Variants in TACC2 observed in about 807,000 individuals in gnomAD.
TACC2 encodes transforming acidic coiled-coil-containing protein 2.
In TACC2, 137 loss-of-function variants were observed where a neutral mutation model predicts 227.3. The observed-to-expected ratio is 0.60, with a 90% CI of 0.52 to 0.69. The LOEUF (loss-of-function observed/expected upper bound fraction) is 0.69, where lower values mean the gene tolerates loss of function less well. TACC2 is among the 30% of genes least tolerant of loss of function. The pLI is 0.00. For missense variants in TACC2, 3,470 were observed against 3,694.4 expected, an observed-to-expected ratio of 0.94 and a Z score of 1.57; for synonymous variants, 1,523 against 1,487.5, an observed-to-expected ratio of 1.02 and a Z score of -0.55.
At chr10:122,201,787 T>C (rs1290748075) in intron 8 of TACC2, among the ~76,000 whole-genome samples, 3 of 152,046 alleles carry the variant, frequency 2.0e-5, no homozygotes, top group Non-Finnish European at 2.9e-5. Flanking sequence ...CTGTTACAGA[T>C]GACATTTGAT....
At chr10:122,120,819 G>A (rs1374164186) in intron 5 of TACC2, among the ~76,000 whole-genome samples, 2 of 151,804 alleles carry the variant, frequency 1.3e-5, no homozygotes, top group African/African-American at 4.8e-5. Flanking sequence ...GGAGTGCAGT[G>A]GCGCGATCTC....
In TACC2 at chr10:122,084,317, G is replaced by A. The variant is rs758575064; in HGVS notation, c.1817G>A (p.Arg606His). 18 of 1,613,830 alleles carry A rather than the reference G, an allele frequency of 1.1e-5. No homozygotes were observed. Among genetic ancestry groups the A allele is most frequent in the African/African-American group, 2.7e-5 (2 of 74,948 alleles). ...GEDSQAFSSK[R>H]DPEVGKDELS... ...GACTCTCAGGCTTTCAGCAGCAAGC[G>A]TGATCCAGAAGTAGGCAAAGATGAG... The change falls in exon 4 of 23, where the codon CGT becomes CAT. Residue 606 changes from arginine to histidine, a missense_variant. Transcript: ENST00000369005.
intron 1 of TACC2, among the ~76,000 whole-genome samples, chr10:121,999,084 C>T (rs1010299760): frequency 1.3e-5 from 2 of 151,570 alleles, no homozygotes; most frequent in Non-Finnish European, 2.9e-5. Context: ...TCTCGGCTCA[C>T]TGCAAGCTCC....
chr10:122,066,471 G>A lies in TACC2; in HGVS notation c.146+15921G>A, dbSNP rs115793222. Among the ~76,000 whole-genome samples, 913 of 152,274 alleles carry A rather than the reference G, an allele frequency of 6.0e-3. 13 individuals carry two copies. Among genetic ancestry groups the A allele is most frequent in the African/African-American group, 0.021 (875 of 41,544 alleles). On this transcript the variant is annotated intron_variant, in intron 3 of 22. Transcript: ENST00000369005. ...TTTAGTAGAAAACGGGTTTTACCAT[G>A]TTGGTCAGGGTGGTCTCGAACCCCT...
chr10:122,101,369 T>TC, intron 5 of TACC2, among the ~76,000 whole-genome samples: 1 of 152,184 alleles, frequency 6.6e-6, no homozygotes, highest in South Asian at 2.1e-4. Flanking sequence ...CTGTGCCTGG[T>TC]CCCCAGTCCT....
Position 122,087,865 on chromosome 10 carries a change from G to T in TACC2, c.5365G>T (p.Asp1789Tyr), listed in dbSNP as rs1404307778. 2.0e-6 allele frequency: 3 copies of T among 1,522,202 alleles called. No homozygotes were observed. The highest frequency in any genetic ancestry group is 1.4e-5 in the African/African-American group (1 of 71,980). 94.3% of individuals were successfully genotyped at this position (1,522,202 alleles called of 1,614,324 possible). ...PGPERPIPAG[D>Y]GKVCVSSPPE... is the part of the protein sequence containing the mutation. ...GCCTGAGCGCCCCATTCCAGCTGGG[G>T]ATGGGAAGGTGTGCGTCTCCTCACC... The change falls in exon 4 of 23, where the codon GAT becomes TAT. Residue 1789 changes from aspartate to tyrosine, a missense_variant. Asp to Tyr is a radical substitution (Grantham distance 160, BLOSUM62 -3). This residue lies in a region of TACC2 where 1,924 missense variants were observed against 1,978.3 expected (regional missense o/e 0.97). Transcript: ENST00000369005.
Position 122,009,008 on chromosome 10 carries a change from T to C in TACC2, c.-45-12929T>C, listed in dbSNP as rs538024745. Among the ~76,000 whole-genome samples, 13 of 152,348 alleles carry C rather than the reference T, an allele frequency of 8.5e-5. No homozygotes were observed. In the South Asian group the frequency reaches 2.5e-3, roughly 29 times the overall value. On this transcript the variant is annotated intron_variant, in intron 1 of 22. Transcript: ENST00000369005. ...ATCTGACAATAATGCTAGACCAATG[T>C]AGGCCCTTTTCACTAGCTGCCCTCT...
At chr10:122,230,593 A>C (rs2095718618) in intron 16 of TACC2, among the ~76,000 whole-genome samples, 153 bp downstream of exon 16, 1 of 152,252 alleles carries the variant, frequency 6.6e-6, no homozygotes, top group Non-Finnish European at 1.5e-5. Context: ...CTCTTGCATA[A>C]ATACACACTG....
intron 1 of TACC2, among the ~76,000 whole-genome samples, chr10:122,005,349 G>A (rs528048756): frequency 1.3e-5 from 2 of 148,240 alleles, no homozygotes; most frequent in South Asian, 4.3e-4. Context: ...CTCCCAAAGT[G>A]CTGGGATTAC....
At chr10:122,031,505 T>C (rs559385567) in intron 2 of TACC2, among the ~76,000 whole-genome samples, 108 of 145,278 alleles carry the variant, frequency 7.4e-4, no homozygotes, top group Non-Finnish European at 1.0e-3. Flanking sequence ...TCTGGGTTCA[T>C]GCCATTCTCC....
At chr10:122,158,575 A>G (rs564199032) in intron 7 of TACC2, among the ~76,000 whole-genome samples, 1 of 152,290 alleles carries the variant, frequency 6.6e-6, no homozygotes, top group East Asian at 1.9e-4. Context: ...AGTCACCTGT[A>G]GAGCTGTCCT....
intron 1 of TACC2, among the ~76,000 whole-genome samples, chr10:122,001,843 A>G (rs569090578): frequency 4.4e-4 from 67 of 152,258 alleles, no homozygotes; most frequent in African/African-American, 1.6e-3. Context: ...TTCCACTATT[A>G]TATCTACCTT....
rs768804346 is a variant in TACC2, at chr10:122,211,566, T to C, written c.7141T>C (p.Phe2381Leu). The change falls in exon 9 of 23, where the codon TTT becomes CTT. Residue 2381 changes from phenylalanine (F) to leucine (L), a missense_variant. Phe to Leu is a conservative substitution (Grantham distance 22, BLOSUM62 0). Coordinates refer to ENST00000369005, the MANE Select transcript of TACC2 (RefSeq NM_206862.4). The stretch of plus-strand genomic sequence containing the variant: ...CACCTGTGATGAGTCCGTTGACCCC[T>C]TTAAGACATCCTCTAAGACCCCCAG... ...PDTCDESVDPFKTSSKTPSSP... is the reference protein window; with the variant it reads ...PDTCDESVDPLKTSSKTPSSP... 1.9e-6 allele frequency: 3 copies of C among 1,613,956 alleles called. No individual in the cohort carries two copies. The highest frequency in any genetic ancestry group is 2.5e-6 in the Non-Finnish European group (3 of 1,180,024).
intron 7 of TACC2, among the ~76,000 whole-genome samples, chr10:122,183,817 T>C (rs952817637): frequency 2.6e-5 from 4 of 152,270 alleles, no homozygotes; most frequent in African/African-American, 4.8e-5. Context: ...CTGTCTTGGC[T>C]CTGCCCTTGC....
At chr10:122,037,909 T>TG (rs1362815673) in intron 2 of TACC2, among the ~76,000 whole-genome samples, 1 of 140,682 alleles carries the variant, frequency 7.1e-6, no homozygotes, top group African/African-American at 2.7e-5. Context: ...TTTTTGTTGG[T>TG]TTTTGTTTGT....
At chr10:122,151,641 G>C (rs752794856) in intron 7 of TACC2, among the ~76,000 whole-genome samples, 1 of 151,446 alleles carries the variant, frequency 6.6e-6, no homozygotes, top group Non-Finnish European at 1.5e-5. Flanking sequence ...ATGGAATTTA[G>C]TTTGGGGAAA....
chr10:122,251,106 G>A (rs188972665), intron 22 of TACC2, among the ~76,000 whole-genome samples: 8 of 151,220 alleles, frequency 5.3e-5, no homozygotes, highest in East Asian at 2.0e-4. Flanking sequence ...TTTTGTTTTC[G>A]TAGAGATGGG....
Position 122,087,763 on chromosome 10 carries a change from G to T in TACC2, c.5263G>T (p.Ala1755Ser), listed in dbSNP as rs1022979827. 6.2e-6 allele frequency: 10 copies of T among 1,609,288 alleles called. No individual in the cohort carries two copies. The African/African-American group carries it at 8.0e-5, about 13-fold the overall frequency. Reference protein sequence around the residue: ...SCQDPACSDKAPGMEGTAALH... With the variant: ...SCQDPACSDKSPGMEGTAALH... ...TCAGGACCCAGCCTGCTCTGACAAGGCTCCGGGGATGGAGGGTACAGCTGC... is the reference window on the plus strand; with the variant it reads ...TCAGGACCCAGCCTGCTCTGACAAGTCTCCGGGGATGGAGGGTACAGCTGC... Residue 1755 changes from alanine (A) to serine (S), a missense_variant, in exon 4 of 23, where the codon GCT becomes TCT. Physicochemically the swap from Ala to Ser is moderately conservative, Grantham distance 99. Around this residue, in one of 10 missense-constraint regions of TACC2, gnomAD observed 1,924 missense variants for 1,978.3 expected, o/e 0.97. Transcript: ENST00000369005.
rs147448100 is a variant in TACC2, at chr10:122,214,542, G to A, written c.7284-849G>A. Reference sequence around the variant, plus strand: ...ACCAACCCATGGAGGGGCTGGAGACGGGGCAGGGGCCAGTCTACAGGGTGG... The same window carrying A: ...ACCAACCCATGGAGGGGCTGGAGACAGGGCAGGGGCCAGTCTACAGGGTGG... On this transcript the variant is annotated intron_variant, in intron 9 of 22. Transcript: ENST00000369005. Among the ~76,000 whole-genome samples, 417 of 152,222 alleles carry A rather than the reference G, an allele frequency of 2.7e-3. 2 individuals are homozygous for A. Among genetic ancestry groups the A allele is most frequent in the African/African-American group, 9.6e-3 (398 of 41,530 alleles).
Sources: allele counts gnomAD v4.1 joint callset (sites outside exome capture counted in the v4.1 genomes callset), GRCh38; gene constraint gnomAD v4.1.1; regional missense constraint gnomAD v4.1.1; transcripts MANE v1.5; gene names NCBI Gene and HGNC (gene_info 2026-07-23, HGNC 2026-07-21).